IFT140: variants seen among roughly 807,000 people sequenced by gnomAD.
IFT140 encodes intraflagellar transport 140.
A neutral mutation model predicts 164.6 loss-of-function variants in IFT140; 133 were observed. The observed-to-expected ratio is 0.81, with a 90% CI of 0.70 to 0.93. The LOEUF is 0.93. Ranked by LOEUF, IFT140 falls within the 40% of genes least tolerant of loss-of-function variation. The pLI is 0.00. For synonymous variants in IFT140, 860 were observed against 817.3 expected, an observed-to-expected ratio of 1.05 and a Z score of -0.89; for missense variants, 2,045 against 1,972.3, an observed-to-expected ratio of 1.04 and a Z score of -0.70.
intron 19 of IFT140, among the ~76,000 whole-genome samples, chr16:1,539,171 A>G (rs1034084045): frequency 6.6e-6 from 1 of 151,456 alleles, no homozygotes; most frequent in African/African-American, 2.4e-5. Context: ...GCACAGTGCC[A>G]CGCCGCCCCA....
Position 1,523,541 on chromosome 16 carries a change from C to T in IFT140, c.3430G>A (p.Glu1144Lys). 1 of 1,612,644 alleles carries T rather than the reference C, an allele frequency of 6.2e-7. No individual in the cohort carries two copies. The highest frequency in any genetic ancestry group is 8.5e-7 in the Non-Finnish European group (1 of 1,179,870). ...IEHSQYERAV[E>K]LLLAARKYQE... ...ACCTTCCTGGCAGCCAGCAGCAGCT[C>T]TACCGCCCTCTCGTACTGACTGTGC... Residue 1144 changes from glutamate to lysine, a missense_variant, in exon 26 of 31, where the codon GAG becomes AAG. Transcript: ENST00000426508.
At chr16:1,569,812 T>C (rs1446350208) in intron 14 of IFT140, among the ~76,000 whole-genome samples, 4 of 151,368 alleles carry the variant, frequency 2.6e-5, no homozygotes, top group Non-Finnish European at 4.4e-5. Context: ...GGTCTTGAAC[T>C]CCTGGGCCTA....
At chr16:1,582,827 C>T (rs1360159789) in intron 12 of IFT140, among the ~76,000 whole-genome samples, 3 of 152,224 alleles carry the variant, frequency 2.0e-5, no homozygotes, top group South Asian at 2.1e-4. Flanking sequence ...TGCTTGAGCC[C>T]GGGAGGCGGA....
At chr16:1,546,281 C>T (rs1452714161) in intron 19 of IFT140, among the ~76,000 whole-genome samples, 1 of 152,220 alleles carries the variant, frequency 6.6e-6, no homozygotes, top group Non-Finnish European at 1.5e-5. Context: ...CAGCCTAGGC[C>T]GGGAGGCTCC....
At chr16:1,546,833 G>A (rs1007198744) in intron 19 of IFT140, among the ~76,000 whole-genome samples, 1 of 152,248 alleles carries the variant, frequency 6.6e-6, no homozygotes, top group African/African-American at 2.4e-5. Flanking sequence ...TACTTGGGTT[G>A]AGTCATATCT....
chr16:1,572,091 C>T (rs58856196), intron 13 of IFT140, among the ~76,000 whole-genome samples: 24,899 of 152,064 alleles, frequency 0.16, 2,435 homozygotes, highest in African/African-American at 0.25. Flanking sequence ...AGCCCCTGCA[C>T]CGTACGCTTA....
chr16:1,586,387 G>C (rs908153295), intron 9 of IFT140, 112 bp from the exon 10 acceptor site: 7 of 1,083,688 alleles, frequency 6.5e-6, no homozygotes, highest in African/African-American at 6.3e-5. Flanking sequence ...GCCCAGTCTG[G>C]TGCCTCTCCA....
chr16:1,544,407 G>T (rs367599526), intron 19 of IFT140, among the ~76,000 whole-genome samples: 2 of 151,792 alleles, frequency 1.3e-5, no homozygotes, highest in South Asian at 2.1e-4. Flanking sequence ...GGATGGTCTC[G>T]ATCTCCTGAC....
chr16:1,570,740 C>T (rs2033970995), intron 14 of IFT140, among the ~76,000 whole-genome samples: 1 of 152,156 alleles, frequency 6.6e-6, no homozygotes, highest in South Asian at 2.1e-4. Flanking sequence ...TGTGTTCCGT[C>T]CTGGGGTCCT....
At chr16:1,563,610 C>T (rs747430422) in intron 17 of IFT140, among the ~76,000 whole-genome samples, 19 of 151,934 alleles carry the variant, frequency 1.3e-4, no homozygotes, top group Non-Finnish European at 2.5e-4. Flanking sequence ...CACCACACAC[C>T]GTGGCTTTTC....
rs1483223407 is a variant in IFT140 at position 1,584,336 on chromosome 16, G to T, written c.1240C>A (p.His414Asn). ...LSERAMSSHF[H>N]QQVAAMQVSP... is the part of the protein sequence containing the mutation. ...ACCTGCATGGCGGCCACTTGCTGGTGGAAGTGTGACGACATGGCCCGCTCG... is the reference window on the plus strand; with the variant it reads ...ACCTGCATGGCGGCCACTTGCTGGTTGAAGTGTGACGACATGGCCCGCTCG... Residue 414 changes from histidine to asparagine, a missense_variant, in exon 11 of 31, where the codon CAC becomes AAC. Transcript: ENST00000426508. 2.5e-6 allele frequency: 4 copies of T among 1,613,492 alleles called. No homozygotes were observed. The highest frequency in any genetic ancestry group is 1.7e-5 in the Admixed American group (1 of 59,978).
Position 1,583,395 on chromosome 16 carries a change from A to AGG in IFT140, c.1360-10_1360-9insCC. On this transcript the variant is annotated splice_polypyrimidine_tract_variant and intron_variant, in intron 11 of 30. Transcript: ENST00000426508. ...CAGACTGCGACAGCATCCTGAAAAG[A>AGG]ACCACGGACATTCGAGGCAAAGGGC... 6.2e-7 allele frequency: 1 copy of AGG among 1,613,778 alleles called. No individual in the cohort carries two copies. Among genetic ancestry groups the AGG allele is most frequent in the South Asian group, 1.1e-5 (1 of 91,070 alleles).
At position 1,551,902 on chromosome 16, in the gene IFT140, C is replaced by T. The variant is rs529822007; in HGVS notation, c.2399+6033G>A. 6.6e-6 allele frequency among the ~76,000 whole-genome samples: 1 copy of T among 152,156 alleles called. No homozygotes were observed. Among genetic ancestry groups the T allele is most frequent in the Non-Finnish European group, 1.5e-5 (1 of 68,030 alleles). On this transcript the variant is annotated intron_variant, in intron 19 of 30. Coordinates refer to ENST00000426508, the MANE Select transcript of IFT140 (RefSeq NM_014714.4). The surrounding 1 kb of genome is among the most constrained non-coding windows in gnomAD (Gnocchi z 4.0). ...TAAATCCGAGCTGTGCACTCAGAAG[C>T]CTCCCGGGTGTGTCCCTGGTGATGT...
chr16:1,567,318 C>T (rs1639357532), intron 15 of IFT140, among the ~76,000 whole-genome samples: 1 of 152,204 alleles, frequency 6.6e-6, no homozygotes, highest in Non-Finnish European at 1.5e-5. Context: ...GTGAAAGTCC[C>T]ACCTGCATCA....
chr16:1,512,287 G>A (rs1008383663), intron 30 of IFT140, among the ~76,000 whole-genome samples: 12 of 151,826 alleles, frequency 7.9e-5, no homozygotes, highest in East Asian at 1.9e-4. Context: ...AAATGTTGCC[G>A]GTCTCCAGCA....
Position 1,530,042 on chromosome 16 carries a change from C to A in IFT140, c.2400-3246G>T, listed in dbSNP as rs186994542. Among the ~76,000 whole-genome samples the A allele has an allele frequency of 1.4e-3, 218 of 150,824 alleles. 1 individual carries two copies. The highest frequency in any genetic ancestry group is 4.9e-3 in the African/African-American group (202 of 41,128). On this transcript the variant is annotated intron_variant, in intron 19 of 30. Transcript: ENST00000426508. Reference sequence around the variant, plus strand: ...TGGTGGCAGCACTGGGGCCTCAGTGCGTGAGGCGTGATGGCCGCTTCGTAA... The same window carrying A: ...TGGTGGCAGCACTGGGGCCTCAGTGAGTGAGGCGTGATGGCCGCTTCGTAA...
chr16:1,580,945 C>G (rs1043590842), intron 12 of IFT140, 95 bp from the exon 13 acceptor site: 1 of 802,228 alleles, frequency 1.2e-6, no homozygotes, highest in African/African-American at 1.7e-5. Flanking sequence ...CCTAATTAAT[C>G]TCAGCCTCAC....
At chr16:1,594,652 A>G (rs560788825) in intron 4 of IFT140, among the ~76,000 whole-genome samples, 4 of 152,352 alleles carry the variant, frequency 2.6e-5, no homozygotes, top group African/African-American at 4.8e-5. Flanking sequence ...AAACCATCAC[A>G]GTCGCAACTG....
intron 3 of IFT140, among the ~76,000 whole-genome samples, chr16:1,603,835 T>G (rs958374277): frequency 6.6e-6 from 1 of 152,190 alleles, no homozygotes; most frequent in Middle Eastern, 3.2e-3. Flanking sequence ...AAGATATAAG[T>G]GCGTTTTCAG....
Sources: gnomAD v4.1 joint callset for allele counts (sites outside exome capture counted in the v4.1 genomes callset) on GRCh38, gnomAD v4.1.1 for gene constraint, Gnocchi (gnomAD v3.1) non-coding constraint, MANE v1.5 for transcripts, NCBI Gene and HGNC (gene_info 2026-07-23, HGNC 2026-07-21) for gene names.